The following CD72 variants were observed in gnomAD, a reference collection of about 807,000 sequenced individuals.
CD72 encodes CD72 molecule, also known as B-cell differentiation antigen CD72.
CD72 carries 28 observed loss-of-function variants against 50.7 expected under a neutral mutation model. That is an observed-to-expected ratio of 0.55 (90% CI 0.41 to 0.76). The LOEUF is 0.76. Among genes scored for constraint, CD72 ranks in the 30% least tolerant of loss-of-function variants. The pLI is 0.00. For synonymous variants in CD72, 176 were observed against 171.2 expected (o/e 1.03, Z -0.22); for missense variants, 403 against 420.6 (o/e 0.96, Z 0.37).
chr9:35,635,951 A>G (rs569208692), intron 1 of CD72, among the ~76,000 whole-genome samples: 8 of 152,324 alleles, frequency 5.3e-5, no homozygotes, highest in African/African-American at 1.9e-4. Context: ...CACTATTAAC[A>G]AATAAAAAGT....
exon 1 of CD72, chr9:35,646,646 A>G (rs571277820): frequency 6.6e-6 from 1 of 152,248 alleles, no homozygotes; most frequent in African/African-American, 2.4e-5. Context: ...AGTTCAAATC[A>G]TACCCCGCTA....
At chr9:35,619,288 G>A (rs920614687), upstream of CD72, among the ~76,000 whole-genome samples, 2 of 152,134 alleles carry the variant, frequency 1.3e-5, no homozygotes, top group Non-Finnish European at 2.9e-5. Flanking sequence ...GGGGAAAGGG[G>A]GCTGCTGAGC....
At chr9:35,616,308 C>T in intron 4 of CD72, 30 bp from the exon 5 acceptor site, 1 of 1,558,088 alleles carries the variant, frequency 6.4e-7, no homozygotes, top group Non-Finnish European at 8.8e-7. Context: ...TGGTGGATGT[C>T]TTCTCCAGCC....
intron 7 of CD72, 36 bp from the exon 8 acceptor site, chr9:35,610,789 G>A: frequency 6.4e-7 from 1 of 1,568,902 alleles, no homozygotes; most frequent in Non-Finnish European, 8.7e-7. Flanking sequence ...GATATGCTCT[G>A]GACATATCCC....
upstream of CD72, chr9:35,618,833 G>A (rs755660172): frequency 1.6e-6 from 2 of 1,216,692 alleles, no homozygotes; most frequent in Admixed American, 2.4e-5. Flanking sequence ...CATCATCCTG[G>A]GGGTTCCAGT....
In CD72 at chr9:35,610,689, A is replaced by C; in HGVS notation, c.1015T>G (p.Ser339Ala). ...GGAAGAGAACTTCTACATGACTCTG[A>C]CTCCAGTGTCCACCATGACCAAGTT... ...HKTWSWWTLE[S>A]ESCRSSLPYI... Residue 339 changes from serine to alanine, a missense_variant, in exon 8 of 9, where the codon TCA becomes GCA. Physicochemically the swap from Ser to Ala is moderately conservative, Grantham distance 99 (BLOSUM62 1). Coordinates refer to ENST00000259633, the MANE Select transcript of CD72 (RefSeq NM_001782.3). 6.2e-7 allele frequency: 1 copy of C among 1,610,820 alleles called. No homozygotes were observed.
At chr9:35,638,399 C>T (rs560073050) in intron 1 of CD72, among the ~76,000 whole-genome samples, 228 of 152,238 alleles carry the variant, frequency 1.5e-3, no homozygotes, top group Non-Finnish European at 2.5e-3. Flanking sequence ...CACCCTATAA[C>T]CCTTCTATCA....
rs1823069097 is a variant in CD72, at chr9:35,616,657, C to T, written c.295G>A (p.Gly99Ser). 5 of 1,613,878 alleles carry T rather than the reference C, an allele frequency of 3.1e-6. No individual in the cohort carries two copies. Among genetic ancestry groups the T allele is most frequent in the South Asian group, 1.1e-5 (1 of 91,066 alleles). Residue 99 changes from glycine (G) to serine (S), a missense_variant, in exon 4 of 9, where the codon GGC (glycine) becomes AGC (serine). Transcript: ENST00000259633. ...AACAGCAGGCAGGTGAGGAGCAGGC[C>T]GAGCAGGAGGTATCGCAGGCAGGTT... ...RTTCLRYLLL[G>S]LLLTCLLLGV...
intron 1 of CD72, among the ~76,000 whole-genome samples, chr9:35,640,439 G>A (rs796312871): frequency 2.0e-4 from 30 of 152,382 alleles, no homozygotes; most frequent in African/African-American, 5.3e-4. Flanking sequence ...TGGGCCATGC[G>A]ATGAGTGTTA....
At position 35,634,619 on chromosome 9, in the gene CD72, C is replaced by T. The variant is rs374427831; in HGVS notation, n.408+11784G>A. 9.8e-5 allele frequency among the ~76,000 whole-genome samples: 15 copies of T among 152,322 alleles called. No individual in the cohort carries two copies. The East Asian group carries it at 1.5e-3, about 16-fold the overall frequency. ...CCGCCCACCTCGGCCTCCGAAAGTGCTGGGATTACAGGCGTGAGCCACCGC... is the reference window on the plus strand; with the variant it reads ...CCGCCCACCTCGGCCTCCGAAAGTGTTGGGATTACAGGCGTGAGCCACCGC... On this transcript the variant is annotated intron_variant and non_coding_transcript_variant, in intron 1 of 3. Coordinates refer to the CD72 transcript ENST00000465754.
At position 35,610,888 on chromosome 9, in the gene CD72, CAG is replaced by C. The variant is rs1337258923; in HGVS notation, c.951-137_951-136del. On this transcript the variant is annotated intron_variant, in intron 7 of 8. Transcript: ENST00000259633. ...GGCCACATCTGGGCATGGTTCAGGA[CAG>C]ATGTCTGGAGTTCAACTAAAACAGA... 6 of 612,790 alleles carry C rather than the reference CAG, an allele frequency of 9.8e-6. No homozygotes were observed. The South Asian group carries it at 1.0e-4, about 11-fold the overall frequency. 38.0% of individuals were successfully genotyped at this position (612,790 alleles called of 1,614,324 possible). A position where few individuals can be genotyped will look rare whatever the true frequency, so the allele number is the denominator to read the frequency against.
At chr9:35,626,644 C>T (rs1197433497) in intron 1 of CD72, among the ~76,000 whole-genome samples, 7 of 152,204 alleles carry the variant, frequency 4.6e-5, no homozygotes, top group Admixed American at 1.3e-4. Context: ...GCCAGAGCCA[C>T]TCCAGCCTTC....
At chr9:35,644,350 CAAAAAAAAAAA>C (rs74176726) in intron 1 of CD72, among the ~76,000 whole-genome samples, 1 of 68,196 alleles carries the variant, frequency 1.5e-5, no homozygotes, top group Non-Finnish European at 2.6e-5. Context: ...AACTCTGTCT[CAAAAAAAAAAA>C]AAAAAAAAAA....
chr9:35,629,684 AC>A (rs2131780814), intron 1 of CD72, among the ~76,000 whole-genome samples: 1 of 152,328 alleles, frequency 6.6e-6, no homozygotes, highest in East Asian at 1.9e-4. Flanking sequence ...GAACCCGTGA[AC>A]ATAGACTGGA....
At chr9:35,621,694 C>A (rs1017911759), upstream of CD72, among the ~76,000 whole-genome samples, 32 of 152,140 alleles carry the variant, frequency 2.1e-4, no homozygotes, top group Non-Finnish European at 5.9e-5. Context: ...AAAGGGAGAA[C>A]CTTTCCCATC....
chr9:35,610,492 A>C, intron 8 of CD72, 110 bp downstream of exon 8: 2 of 624,654 alleles, frequency 3.2e-6, no homozygotes, highest in South Asian at 2.3e-5. Context: ...AGGAACTTTC[A>C]TCCCAGGTAC....
chr9:35,613,591 C>T (rs762125732), intron 5 of CD72, among the ~76,000 whole-genome samples: 3 of 152,164 alleles, frequency 2.0e-5, no homozygotes, highest in African/African-American at 7.2e-5. Flanking sequence ...ATCAGTCCTA[C>T]CTTCATCACT....
At chr9:35,618,568 G>C (rs1205010879), upstream of CD72, 1 of 773,022 alleles carries the variant, frequency 1.3e-6, no homozygotes, top group Admixed American at 2.3e-5. Flanking sequence ...AGGGGTAGGG[G>C]ATGGGCCTGT....
At chr9:35,618,787 G>A (rs1246622923), upstream of CD72, 16 of 1,287,222 alleles carry the variant, frequency 1.2e-5, 1 homozygote, top group South Asian at 2.0e-4. Flanking sequence ...TTCTCCCCAT[G>A]AGACTGGGGG....
Sources: allele counts gnomAD v4.1 joint callset (sites outside exome capture counted in the v4.1 genomes callset), GRCh38; gene constraint gnomAD v4.1.1; transcripts MANE v1.5; gene names NCBI Gene and HGNC (gene_info 2026-07-23, HGNC 2026-07-21).